ABCA9: variants seen among roughly 807,000 people sequenced by gnomAD.
The protein encoded by ABCA9 is ATP-binding cassette sub-family A member 9.
ABCA9 carries 183 observed loss-of-function variants against 205.3 expected under a neutral mutation model. The ratio of observed to expected loss-of-function variants is 0.89; its 90% CI spans 0.79 to 1.01. ABCA9 has a LOEUF of 1.01. ABCA9 is among the 50% of genes least tolerant of loss of function. ABCA9 has a pLI of 0.00. For synonymous variants in ABCA9, 651 were observed against 683.3 expected (o/e 0.95, Z 0.74); for missense variants, 1,805 against 1,912.4 (o/e 0.94, Z 1.05).
chr17:69,039,963 C>T (rs2071479374), intron 6 of ABCA9, among the ~76,000 whole-genome samples: 1 of 152,196 alleles, frequency 6.6e-6, no homozygotes, highest in Admixed American at 6.5e-5. Flanking sequence ...AAAAGCTCAT[C>T]ATCACTAGTC....
At chr17:69,071,779 G>C in the ABCA9 span, among the ~76,000 whole-genome samples, 1 of 152,020 alleles carries the variant, frequency 6.6e-6, no homozygotes, top group Non-Finnish European at 1.5e-5. Context: ...TCAGAAGATG[G>C]GTAATAACAA....
chr17:69,077,422 G>A, the ABCA9 span, among the ~76,000 whole-genome samples: 1 of 152,152 alleles, frequency 6.6e-6, no homozygotes, highest in Non-Finnish European at 1.5e-5. Flanking sequence ...CTTTATGTCT[G>A]AGCATGTGGC....
chr17:69,052,142 A>G (rs1300983433), intron 1 of ABCA9, among the ~76,000 whole-genome samples: 1 of 152,156 alleles, frequency 6.6e-6, no homozygotes, highest in Non-Finnish European at 1.5e-5. Context: ...AGGCTGAGGC[A>G]GGAGGATTGC....
chr17:69,045,363 T>G, intron 3 of ABCA9, 27 bp from the exon 4 acceptor site: 3 of 1,590,006 alleles, frequency 1.9e-6, no homozygotes, highest in Admixed American at 1.7e-5. Flanking sequence ...ACAAAAGAAA[T>G]AGTTAAGCAA....
rs1293469646 is a variant in ABCA9 at position 68,975,310 on chromosome 17, A to G, written c.*605T>C. The G allele has an allele frequency of 1.3e-5, 2 of 152,508 alleles. No individual in the cohort carries two copies. 9.4% of individuals were successfully genotyped at this position (152,508 alleles called of 1,614,324 possible). The stretch of plus-strand genomic sequence containing the variant: ...GCTATTGTAAACAGTGCTGCAATAA[A>G]CATACGTGTGCATGTGTCTTTATAG... On this transcript the variant is annotated 3_prime_UTR_variant, in exon 39 of 39. Transcript: ENST00000340001.
At position 69,005,141 on chromosome 17, in the gene ABCA9, C is replaced by T. The variant is rs114987213; in HGVS notation, c.3435+2618G>A. Among the ~76,000 whole-genome samples, 542 of 152,290 alleles carry T rather than the reference C, an allele frequency of 3.6e-3. 3 individuals are homozygous for T. Among genetic ancestry groups the T allele is most frequent in the African/African-American group, 0.013 (521 of 41,566 alleles). On this transcript the variant is annotated intron_variant, in intron 25 of 38. Transcript: ENST00000340001. ...CTGTTCCTATTCGGCCATCTTGGCT[C>T]GTCCCTCCTGGCTTATCTTTTTCTC...
rs2069140272 is a variant in ABCA9, at chr17:68,983,800, G to A, written c.4549C>T (p.Leu1517=). ...AGGTTCTTCAGCTTCATCTCCAGCA[G>A]GTAGTCTTTGCCAAATTTGCTTTTC... The part of the protein sequence containing the change: ...HLKSKFGKDY[L]LEMKLKNLAQ... The change falls in exon 36 of 39, where the codon CTG becomes TTG. Residue 1517 remains leucine (L), a synonymous_variant. Transcript: ENST00000340001. 1 of 1,614,048 alleles carries A rather than the reference G, an allele frequency of 6.2e-7. No homozygotes were observed. Among genetic ancestry groups the A allele is most frequent in the Admixed American group, 1.7e-5 (1 of 60,000 alleles).
At chr17:69,072,333 G>A in the ABCA9 span, among the ~76,000 whole-genome samples, 77 of 152,130 alleles carry the variant, frequency 5.1e-4, no homozygotes, top group Admixed American at 2.7e-3. Context: ...AAAATGTTAA[G>A]GGCAGCCAGA....
intron 1 of ABCA9, among the ~76,000 whole-genome samples, chr17:69,057,671 C>T (rs1598420936): frequency 6.6e-6 from 1 of 152,104 alleles, no homozygotes; most frequent in Admixed American, 6.5e-5. Flanking sequence ...TTTGGTAGTG[C>T]GGGTACAATG....
chr17:68,991,061 A>T (rs2302293), intron 28 of ABCA9, 104 bp from the exon 29 acceptor site: 879,811 of 1,302,464 alleles, frequency 0.68, 298,863 homozygotes, highest in African/African-American at 0.73. Flanking sequence ...AGATTCATTC[A>T]GAGCACAACA....
At chr17:68,998,640 TA>T (rs953066339) in intron 25 of ABCA9, among the ~76,000 whole-genome samples, 12 of 152,010 alleles carry the variant, frequency 7.9e-5, no homozygotes, top group Admixed American at 3.9e-4. Flanking sequence ...ATTTGCTACA[TA>T]AAAAATATTA....
the ABCA9 span, among the ~76,000 whole-genome samples, chr17:69,067,820 T>C: frequency 2.0e-5 from 3 of 152,218 alleles, no homozygotes; most frequent in African/African-American, 7.2e-5. Context: ...CAGAGCTCAC[T>C]GGGTTTGAAA....
chr17:69,048,580 T>C (rs968842010), intron 3 of ABCA9, among the ~76,000 whole-genome samples: 2 of 152,150 alleles, frequency 1.3e-5, no homozygotes, highest in African/African-American at 4.8e-5. Flanking sequence ...TAAGGACACA[T>C]GGGTGAGAGA....
rs73370039 is a variant in ABCA9 at position 69,012,927 on chromosome 17, T to A, written c.3040-844A>T. Among the ~76,000 whole-genome samples the A allele has an allele frequency of 8.2e-3, 1,245 of 152,156 alleles. 16 individuals are homozygous for A. Among genetic ancestry groups the A allele is most frequent in the African/African-American group, 0.026 (1,079 of 41,550 alleles). ...ATTTGACTACGTCCATGAGTTCAACTGTTTTAATTTTCAGATCCCACAAAT... is the reference window on the plus strand; with the variant it reads ...ATTTGACTACGTCCATGAGTTCAACAGTTTTAATTTTCAGATCCCACAAAT... On this transcript the variant is annotated intron_variant, in intron 22 of 38. Coordinates refer to ENST00000340001, the MANE Select transcript of ABCA9 (RefSeq NM_080283.4).
chr17:69,027,700 TTTCACAGTGA>T lies in ABCA9; in HGVS notation c.1721_1730del (p.Leu574GlnfsTer10). 2 of 1,613,606 alleles carry T rather than the reference TTTCACAGTGA, an allele frequency of 1.2e-6. No individual in the cohort carries two copies. Among genetic ancestry groups the T allele is most frequent in the Non-Finnish European group, 1.7e-6 (2 of 1,179,920 alleles). On this transcript the variant is annotated frameshift_variant, in exon 13 of 39. Transcript: ENST00000340001. LOFTEE classifies it high-confidence loss of function. ...TTTTAGCAAACAGCCTGAGGTTTTC[TTTCACAGTGA>T]GAAATCCAAATTGCACATTGGATTG...
chr17:68,990,224 G>A (rs988586984), intron 29 of ABCA9, among the ~76,000 whole-genome samples: 4 of 152,094 alleles, frequency 2.6e-5, no homozygotes, highest in East Asian at 1.9e-4. Flanking sequence ...AAACACACAC[G>A]CACCGCAGAC....
intron 25 of ABCA9, among the ~76,000 whole-genome samples, chr17:69,005,505 A>G (rs1011186306): frequency 1.3e-5 from 2 of 152,086 alleles, no homozygotes; most frequent in Non-Finnish European, 2.9e-5. Context: ...ACTCATGTAT[A>G]CCTTTTTAGA....
chr17:69,011,955 GAAGACTTT>G lies in ABCA9; in HGVS notation c.3147+13_3147+20del, dbSNP rs2070392439. 1 of 1,555,334 alleles carries G rather than the reference GAAGACTTT, an allele frequency of 6.4e-7. No individual in the cohort carries two copies. The highest frequency in any genetic ancestry group is 1.8e-5 in the Admixed American group (1 of 55,426). ...GGTTCTCTAGATATAAAAAACATGTGAAGACTTTAACTCTTCTTACTTTGTAGTCACCA... is the reference window on the plus strand; with the variant it reads ...GGTTCTCTAGATATAAAAAACATGTGAACTCTTCTTACTTTGTAGTCACCA... On this transcript the variant is annotated intron_variant, in intron 23 of 38. Coordinates refer to ENST00000340001, the MANE Select transcript of ABCA9 (RefSeq NM_080283.4).
rs1481820238 is a variant in ABCA9, at chr17:69,003,314, TG to T, written c.3435+4444del. Among the ~76,000 whole-genome samples, 5 of 151,746 alleles carry T rather than the reference TG, an allele frequency of 3.3e-5. No individual in the cohort carries two copies. In the East Asian group the frequency reaches 9.6e-4, roughly 29 times the overall value. ...AGGAGCTCTTTTAGGGCAGGCCTGG[TG>T]GTGACAAAATCTCTCAGCATTTGCT... On this transcript the variant is annotated intron_variant, in intron 25 of 38. Transcript: ENST00000340001.
Sources: allele counts gnomAD v4.1 joint callset (sites outside exome capture counted in the v4.1 genomes callset), GRCh38; gene constraint gnomAD v4.1.1; transcripts MANE v1.5; gene names NCBI Gene and HGNC (gene_info 2026-07-23, HGNC 2026-07-21).